Variants in PCED1B observed in about 807,000 individuals in gnomAD.
The protein encoded by PCED1B is PC-esterase domain containing 1B.
For synonymous variants in PCED1B, 251 were observed against 246.1 expected, an observed-to-expected ratio of 1.02 and a Z score of -0.19; for missense variants, 573 against 573.9, an observed-to-expected ratio of 1.00 and a Z score of 0.02.
intron 1 of PCED1B, among the ~76,000 whole-genome samples, chr12:47,097,805 C>T (rs980470669): frequency 1.3e-5 from 2 of 152,170 alleles, no homozygotes; most frequent in African/African-American, 4.8e-5. Flanking sequence ...TACCTTAGTC[C>T]CCAGCACTGT....
intron 2 of PCED1B, among the ~76,000 whole-genome samples, chr12:47,129,650 A>G (rs1940041664): frequency 6.6e-6 from 1 of 152,138 alleles, no homozygotes; most frequent in Non-Finnish European, 1.5e-5. Context: ...TGGGATTCTC[A>G]TGCCAGGTTA....
intron 2 of PCED1B, among the ~76,000 whole-genome samples, chr12:47,144,905 C>G (rs1328641744): frequency 6.6e-6 from 1 of 152,132 alleles, no homozygotes; most frequent in African/African-American, 2.4e-5. Context: ...ACAATGGTCT[C>G]TAAGTGAAAG....
chr12:47,092,656 T>C (rs1938317224), intron 1 of PCED1B, among the ~76,000 whole-genome samples: 1 of 152,074 alleles, frequency 6.6e-6, no homozygotes, highest in African/African-American at 2.4e-5. Context: ...CTACGGATAT[T>C]TTGTAGATAT....
At chr12:47,135,003 A>T (rs772469811) in intron 2 of PCED1B, among the ~76,000 whole-genome samples, 2 of 152,270 alleles carry the variant, frequency 1.3e-5, no homozygotes, top group Admixed American at 6.5e-5. Context: ...AATATTGAGA[A>T]TCATTTCATA....
chr12:47,191,251 C>T (rs1018101616), intron 2 of PCED1B, among the ~76,000 whole-genome samples: 2 of 152,192 alleles, frequency 1.3e-5, no homozygotes, highest in African/African-American at 4.8e-5. Flanking sequence ...GCAGTTTTTA[C>T]AAAGGGACAC....
intron 3 of PCED1B, among the ~76,000 whole-genome samples, chr12:47,220,556 G>A (rs931261665): frequency 2.0e-5 from 3 of 152,200 alleles, no homozygotes; most frequent in Admixed American, 6.5e-5. Flanking sequence ...CCTTCACCGG[G>A]TTGTGAGAAT....
rs749715022 is a variant in PCED1B, at chr12:47,235,531, G to A, written c.468G>A (p.Glu156=). The A allele has an allele frequency of 1.9e-6, 3 of 1,611,418 alleles. No individual in the cohort carries two copies. Among genetic ancestry groups the A allele is most frequent in the Non-Finnish European group, 2.5e-6 (3 of 1,178,320 alleles). Residue 156 remains glutamate (E), a synonymous_variant, in exon 4 of 4, where the codon GAG becomes GAA. Coordinates refer to ENST00000546455, the MANE Select transcript of PCED1B (RefSeq NM_138371.3). ...LFQCLGQVLP[E]SCLLVWNTAM... is the part of the protein sequence containing the mutation. The stretch of plus-strand genomic sequence containing the variant: ...AGTGCCTGGGCCAGGTGCTGCCCGA[G>A]TCTTGCCTCCTGGTGTGGAACACGG...
At chr12:47,118,427 G>A (rs901297957) in intron 2 of PCED1B, among the ~76,000 whole-genome samples, 4 of 152,128 alleles carry the variant, frequency 2.6e-5, no homozygotes, top group Non-Finnish European at 5.9e-5. Flanking sequence ...AGTTTTCCCA[G>A]CACCATTTAT....
intron 2 of PCED1B, among the ~76,000 whole-genome samples, chr12:47,118,768 A>G (rs1592161720): frequency 6.6e-6 from 1 of 152,268 alleles, no homozygotes; most frequent in East Asian, 1.9e-4. Context: ...TTGAATCTAT[A>G]AATTACCTTG....
chr12:47,223,240 A>G (rs1423949973), intron 3 of PCED1B, among the ~76,000 whole-genome samples: 2 of 152,170 alleles, frequency 1.3e-5, no homozygotes, highest in Non-Finnish European at 2.9e-5. Context: ...TGGGTTTCTC[A>G]GAGGGAGCAG....
At chr12:47,211,988 T>A (rs1243432170) in intron 2 of PCED1B, among the ~76,000 whole-genome samples, 8 of 143,440 alleles carry the variant, frequency 5.6e-5, no homozygotes, top group Non-Finnish European at 9.0e-5. Flanking sequence ...GGCAGGAGAA[T>A]GGCGTGAACC....
At chr12:47,106,629 G>C (rs1938961647) in intron 2 of PCED1B, among the ~76,000 whole-genome samples, 1 of 152,152 alleles carries the variant, frequency 6.6e-6, no homozygotes, top group African/African-American at 2.4e-5. Context: ...TAGGGTCCCT[G>C]GGCGCCCATC....
intron 2 of PCED1B, among the ~76,000 whole-genome samples, chr12:47,167,318 T>C (rs1326437946): frequency 3.3e-5 from 5 of 152,118 alleles, no homozygotes; most frequent in Non-Finnish European, 7.4e-5. Context: ...AAATTCCATA[T>C]CTGTTGGGCA....
At chr12:47,150,137 G>T (rs1046080329) in intron 2 of PCED1B, among the ~76,000 whole-genome samples, 1 of 152,032 alleles carries the variant, frequency 6.6e-6, no homozygotes, top group South Asian at 2.1e-4. Context: ...AACAAAGTTG[G>T]AGGGGAAAAG....
chr12:47,123,904 G>T lies in PCED1B; in HGVS notation c.-526+19709G>T, dbSNP rs1201044006. 4.1e-4 allele frequency among the ~76,000 whole-genome samples: 62 copies of T among 151,876 alleles called. 1 individual carries two copies. Among genetic ancestry groups the T allele is most frequent in the Admixed American group, 4.1e-3 (62 of 15,236 alleles). On this transcript the variant is annotated intron_variant, in intron 2 of 3. Coordinates refer to ENST00000546455, the MANE Select transcript of PCED1B (RefSeq NM_138371.3). ...CTTTAGTGGCTACTTGATATTTTAT[G>T]AATGCATCATTGTTTATTTATCCAC...
intron 1 of PCED1B, among the ~76,000 whole-genome samples, chr12:47,088,667 C>T (rs147527012): frequency 1.2e-4 from 18 of 152,212 alleles, no homozygotes; most frequent in African/African-American, 3.6e-4. Context: ...GATAAAAATA[C>T]GTGGTAGGAA....
intron 1 of PCED1B, among the ~76,000 whole-genome samples, chr12:47,095,404 C>G (rs1938445756): frequency 6.6e-6 from 1 of 152,030 alleles, no homozygotes. Context: ...AACAGTTTGA[C>G]TATGATGTGG....
rs79267603 is a variant in PCED1B at position 47,088,017 on chromosome 12, C to T, written c.-609+8292C>T. Among the ~76,000 whole-genome samples the T allele has an allele frequency of 8.1e-3, 1,234 of 152,274 alleles. 15 individuals carry two copies. Among genetic ancestry groups the T allele is most frequent in the African/African-American group, 0.028 (1,180 of 41,548 alleles). Reference sequence around the variant, plus strand: ...ACATCCATTTATTAACTATATAACTCTAGGTAAATGACTCAACCTTTTGGA... The same window carrying T: ...ACATCCATTTATTAACTATATAACTTTAGGTAAATGACTCAACCTTTTGGA... On this transcript the variant is annotated intron_variant, in intron 1 of 3. Coordinates refer to ENST00000546455, the MANE Select transcript of PCED1B (RefSeq NM_138371.3).
At chr12:47,090,487 G>A (rs1485131703) in intron 1 of PCED1B, among the ~76,000 whole-genome samples, 2 of 152,156 alleles carry the variant, frequency 1.3e-5, no homozygotes, top group Non-Finnish European at 2.9e-5. Context: ...CATGAGGCAA[G>A]AATCATGTAC....
Sources: gnomAD v4.1 joint callset for allele counts (sites outside exome capture counted in the v4.1 genomes callset) on GRCh38, gnomAD v4.1.1 for gene constraint, MANE v1.5 for transcripts, NCBI Gene and HGNC (gene_info 2026-07-23, HGNC 2026-07-21) for gene names.